The following FRMD4B variants were observed in gnomAD, a reference collection of about 807,000 sequenced individuals.
FRMD4B encodes the protein FERM domain-containing protein 4B.
A neutral mutation model predicts 141.5 loss-of-function variants in FRMD4B; 74 were observed. The observed-to-expected ratio is 0.52, with a 90% CI of 0.43 to 0.63. FRMD4B has a LOEUF of 0.63. Ranked by LOEUF, FRMD4B falls within the 30% of genes least tolerant of loss-of-function variation. The probability of loss-of-function intolerance (pLI) is 0.00; values close to 1 mark genes in which losing one functional copy is unlikely to be tolerated. For missense variants in FRMD4B, 1,366 were observed against 1,253.4 expected (o/e 1.09, Z -1.36); for synonymous variants, 506 against 467.9 (o/e 1.08, Z -1.05).
chr3:69,497,134 T>C (rs1361684909), intron 1 of FRMD4B, among the ~76,000 whole-genome samples: 1 of 152,188 alleles, frequency 6.6e-6, no homozygotes, highest in Non-Finnish European at 1.5e-5. Context: ...TACTTCCTTT[T>C]TTGTTTTCTG....
intron 1 of FRMD4B, among the ~76,000 whole-genome samples, chr3:69,466,183 C>T (rs751918352): frequency 2.0e-5 from 3 of 152,082 alleles, no homozygotes; most frequent in Admixed American, 6.5e-5. Flanking sequence ...GCTACATAAA[C>T]GTCTTCTTTT....
intron 19 of FRMD4B, among the ~76,000 whole-genome samples, chr3:69,185,808 G>A (rs780883347): frequency 3.9e-5 from 6 of 152,108 alleles, no homozygotes; most frequent in Admixed American, 1.3e-4. Flanking sequence ...TTGGGAGGCC[G>A]AAGTGGGCGG....
At chr3:69,289,898 C>A (rs1700816720) in intron 4 of FRMD4B, among the ~76,000 whole-genome samples, 1 of 152,176 alleles carries the variant, frequency 6.6e-6, no homozygotes. Context: ...TCCTGACGAA[C>A]AACTTTTGTA....
At chr3:69,361,265 G>C (rs1483891) in intron 1 of FRMD4B, among the ~76,000 whole-genome samples, 60,231 of 151,786 alleles carry the variant, frequency 0.4, 13,559 homozygotes, top group African/African-American at 0.62. Context: ...AGTAGTATTT[G>C]TCAGCTTCCT....
intron 1 of FRMD4B, among the ~76,000 whole-genome samples, chr3:69,367,265 T>C (rs1195247705): frequency 2.6e-5 from 4 of 152,192 alleles, no homozygotes. Flanking sequence ...TGCTATAAAA[T>C]ATTTGATTTC....
chr3:69,340,870 C>G (rs1452570311), intron 1 of FRMD4B, among the ~76,000 whole-genome samples: 1 of 152,122 alleles, frequency 6.6e-6, no homozygotes, highest in Admixed American at 6.6e-5. Flanking sequence ...TTGCTAACCA[C>G]TCTATGCTCA....
At chr3:69,364,249 A>T (rs1703569818) in intron 1 of FRMD4B, among the ~76,000 whole-genome samples, 1 of 152,218 alleles carries the variant, frequency 6.6e-6, no homozygotes, top group African/African-American at 2.4e-5. Flanking sequence ...ACTTCCAAAC[A>T]TCCTGTCCTT....
At chr3:69,453,958 T>A (rs1381599398) in intron 1 of FRMD4B, among the ~76,000 whole-genome samples, 2 of 152,178 alleles carry the variant, frequency 1.3e-5, no homozygotes, top group African/African-American at 4.8e-5. Context: ...CAAGCATTGA[T>A]GTGTCCCCCG....
chr3:69,398,368 C>A (rs984208853), intron 2 of FRMD4B, among the ~76,000 whole-genome samples: 1 of 152,088 alleles, frequency 6.6e-6, no homozygotes, highest in African/African-American at 2.4e-5. Flanking sequence ...TTAGCATATC[C>A]ATCATGTAAA....
chr3:69,213,719 G>A (rs577977549), intron 11 of FRMD4B, among the ~76,000 whole-genome samples: 27 of 149,774 alleles, frequency 1.8e-4, no homozygotes, highest in African/African-American at 6.7e-4. Context: ...CCGGAGTGCA[G>A]TGGCATGATC....
chr3:69,262,723 G>A (rs1157780279), intron 5 of FRMD4B, among the ~76,000 whole-genome samples: 1 of 150,460 alleles, frequency 6.6e-6, no homozygotes, highest in Non-Finnish European at 1.5e-5. Flanking sequence ...GCCTCCCAAA[G>A]TGCTGGGATT....
Position 69,200,967 on chromosome 3 carries a change from C to T in FRMD4B, c.877-2193G>A, listed in dbSNP as rs80113447. 6.6e-4 allele frequency: 271 copies of T among 413,208 alleles called. 1 individual carries two copies. In the East Asian group the frequency reaches 0.015, roughly 23 times the overall value. 25.6% of individuals were successfully genotyped at this position (413,208 alleles called of 1,614,324 possible). ...CCTCTTATCACTTACAAATGTGAAA[C>T]CCTAGCGCTTTGGACTCCATTCAGC... On this transcript the variant is annotated intron_variant, in intron 11 of 22. Transcript: ENST00000398540.
Position 69,456,604 on chromosome 3 carries a change from A to G in FRMD4B, c.-128-23843T>C, listed in dbSNP as rs1313927084. ...AATCGTGTCTCCTGCAGTAAACTCC[A>G]GGAAAGCAGGGTCCTTGTCTGTCTT... On this transcript the variant is annotated intron_variant, in intron 1 of 5. Coordinates refer to the FRMD4B transcript ENST00000459638. Among the ~76,000 whole-genome samples the G allele has an allele frequency of 3.3e-4, 51 of 152,246 alleles. 1 individual carries two copies. The highest frequency in any genetic ancestry group is 4.4e-5 in the Non-Finnish European group (3 of 68,010).
intron 1 of FRMD4B, among the ~76,000 whole-genome samples, chr3:69,376,092 C>T (rs1361736769): frequency 6.6e-6 from 1 of 151,922 alleles, no homozygotes; most frequent in African/African-American, 2.4e-5. Flanking sequence ...TACAGACACA[C>T]AAAGAATTAT....
intron 18 of FRMD4B, 44 bp from the exon 19 acceptor site, chr3:69,187,961 T>C (rs748950168): frequency 9.4e-6 from 10 of 1,060,244 alleles, no homozygotes; most frequent in Non-Finnish European, 1.3e-5. Flanking sequence ...GTAGGCAAAT[T>C]AATAGGTAAA....
At chr3:69,497,175 C>T (rs1393539718) in intron 1 of FRMD4B, among the ~76,000 whole-genome samples, 2 of 152,034 alleles carry the variant, frequency 1.3e-5, no homozygotes, top group African/African-American at 4.8e-5. Flanking sequence ...AGAATGAATC[C>T]CAGAATGGAG....
chr3:69,183,390 T>C (rs1454107311), intron 19 of FRMD4B, among the ~76,000 whole-genome samples: 1 of 152,084 alleles, frequency 6.6e-6, no homozygotes, highest in African/African-American at 2.4e-5. Flanking sequence ...ACTGGACTGT[T>C]GTTTGCTGGT....
intron 4 of FRMD4B, among the ~76,000 whole-genome samples, chr3:69,297,343 A>T (rs929571632): frequency 2.6e-5 from 4 of 152,148 alleles, no homozygotes; most frequent in African/African-American, 9.7e-5. Flanking sequence ...ACAGTAGGAA[A>T]GTGAGTTCTT....
intron 2 of FRMD4B, among the ~76,000 whole-genome samples, chr3:69,395,230 T>C (rs1434385199): frequency 6.6e-6 from 1 of 152,056 alleles, no homozygotes; most frequent in African/African-American, 2.4e-5. Context: ...AAATCTATAA[T>C]GAACAGTTAT....
Sources: gnomAD v4.1 joint callset for allele counts (sites outside exome capture counted in the v4.1 genomes callset) on GRCh38, gnomAD v4.1.1 for gene constraint, MANE v1.5 for transcripts, NCBI Gene and HGNC (gene_info 2026-07-23, HGNC 2026-07-21) for gene names.